Variants in CAGE1 observed in about 807,000 individuals in gnomAD.
CAGE1 encodes the protein cancer antigen 1.
CAGE1 carries 66 observed loss-of-function variants against 94.9 expected under a neutral mutation model. That is an observed-to-expected ratio of 0.70 (90% CI 0.57 to 0.85). The LOEUF is 0.85. Ranked by LOEUF, CAGE1 falls within the 40% of genes least tolerant of loss-of-function variation. The pLI, the probability that CAGE1 is intolerant of heterozygous loss-of-function variation, is 0.00. For missense variants in CAGE1, 865 were observed against 950.4 expected, an observed-to-expected ratio of 0.91 and a Z score of 1.18; for synonymous variants, 319 against 321.0, an observed-to-expected ratio of 0.99 and a Z score of 0.07.
rs1171280732 is a variant in CAGE1, at chr6:7,370,126, GT to G, written c.1747-62del. ...ATGAAGAACCTGAAATATCTTTTAA[GT>G]AAAATGCTGAATAAAATGGCACTCT... On this transcript the variant is annotated intron_variant, in intron 5 of 13. Transcript: ENST00000502583. 14 of 1,329,370 alleles carry G rather than the reference GT, an allele frequency of 1.1e-5. No homozygotes were observed. The Admixed American group carries it at 3.6e-4, about 34-fold the overall frequency. 82.3% of individuals were successfully genotyped at this position (1,329,370 alleles called of 1,614,324 possible). A position where few individuals can be genotyped will look rare whatever the true frequency, so the allele number is the denominator to read the frequency against.
In CAGE1 at chr6:7,339,483, A is replaced by G. The variant is rs1039191407; in HGVS notation, c.2370-5393T>C. On this transcript the variant is annotated intron_variant, in intron 11 of 13. Transcript: ENST00000502583. The surrounding 1 kb of genome is among the most constrained non-coding windows in gnomAD (Gnocchi z 4.7). The stretch of plus-strand genomic sequence containing the variant: ...AACTCCAGAGTAGCCATCTTCAGCC[A>G]GCTCCTGAGTAAGAAACTCATTCAT... The G allele has an allele frequency of 9.0e-6, 8 of 884,468 alleles. No individual in the cohort carries two copies. The highest frequency in any genetic ancestry group is 1.2e-5 in the Non-Finnish European group (6 of 514,510). The allele number at this position is 884,468 out of a possible 1,614,324, so 54.8% of individuals were successfully genotyped here.
chr6:7,347,022 C>T (rs962189142), intron 11 of CAGE1, among the ~76,000 whole-genome samples: 1 of 152,090 alleles, frequency 6.6e-6, no homozygotes, highest in African/African-American at 2.4e-5. Flanking sequence ...TTTTTTCACC[C>T]AAGCCCTGCA....
At position 7,389,736 on chromosome 6, in the gene CAGE1, G is replaced by A; in HGVS notation, c.-558C>T. ...AGCCCTATACAGCGCGCCATCCAGA[G>A]AGCTCCGGACTCCCAGCTCGGCGCA... On this transcript the variant is annotated 5_prime_UTR_variant, in exon 1 of 14. Transcript: ENST00000502583. 2 of 567,164 alleles carry A rather than the reference G, an allele frequency of 3.5e-6. No homozygotes were observed. The highest frequency in any genetic ancestry group is 3.0e-5 in the East Asian group (1 of 33,768). The allele number at this position is 567,164 out of a possible 1,614,324, so 35.1% of individuals were successfully genotyped here. A position where few individuals can be genotyped will look rare whatever the true frequency, so the allele number is the denominator to read the frequency against.
intron 13 of CAGE1, chr6:7,329,390 A>G: frequency 8.8e-6 from 3 of 341,360 alleles, no homozygotes; most frequent in East Asian, 8.7e-5. Flanking sequence ...CTGGAGCCAG[A>G]TCATAGGGGA....
At chr6:7,363,124 G>T (rs7765731) in intron 9 of CAGE1, among the ~76,000 whole-genome samples, 7,789 of 152,178 alleles carry the variant, frequency 0.051, 344 homozygotes, top group African/African-American at 0.12. Flanking sequence ...CAAAAAATTA[G>T]CTGGGTGTGG....
intron 7 of CAGE1, among the ~76,000 whole-genome samples, chr6:7,366,865 T>G (rs1365431645): frequency 1.3e-5 from 2 of 152,156 alleles, no homozygotes; most frequent in African/African-American, 4.8e-5. Context: ...AACATAACGA[T>G]TGTTATTACA....
intron 9 of CAGE1, among the ~76,000 whole-genome samples, chr6:7,357,045 C>A (rs1759981019): frequency 6.6e-6 from 1 of 152,088 alleles, no homozygotes; most frequent in Non-Finnish European, 1.5e-5. Context: ...GATCCGCCCC[C>A]CGTCGGCCTC....
At chr6:7,345,721 A>G (rs1759472186) in intron 11 of CAGE1, among the ~76,000 whole-genome samples, 1 of 152,090 alleles carries the variant, frequency 6.6e-6, no homozygotes, top group African/African-American at 2.4e-5. Context: ...AGGTCAGGAA[A>G]TTGAGACCAT....
intron 11 of CAGE1, among the ~76,000 whole-genome samples, chr6:7,342,765 T>C (rs1455669147): frequency 6.6e-6 from 1 of 152,226 alleles, no homozygotes; most frequent in Non-Finnish European, 1.5e-5. Context: ...TCTTCTAGGA[T>C]TTTTATGGTT....
At position 7,373,978 on chromosome 6, in the gene CAGE1, G is replaced by T. The variant is rs76314363; in HGVS notation, c.841C>A (p.Arg281=). ...AGISWRSEAC[R]ENCEMPDWEQ... ...CAGTCAGGCATCTCACAGTTCTCCC[G>T]ACATGCTTCACTCCTCCAGGAAATG... Residue 281 remains arginine (R), a synonymous_variant, in exon 5 of 14, where the codon CGG becomes AGG. Coordinates refer to ENST00000502583, the MANE Select transcript of CAGE1 (RefSeq NM_001170692.2). 387 of 1,613,956 alleles carry T rather than the reference G, an allele frequency of 2.4e-4. 1 individual carries two copies. The African/African-American group carries it at 4.6e-3, about 19-fold the overall frequency.
intron 1 of CAGE1, 67 bp downstream of exon 1, chr6:7,389,135 C>CA: frequency 2.5e-6 from 1 of 392,970 alleles, no homozygotes; most frequent in South Asian, 1.8e-5. Flanking sequence ...AAAGAGGTGT[C>CA]ACGGGAGTTA....
At position 7,327,391 on chromosome 6, in the gene CAGE1, G is replaced by C. The variant is rs149692407; in HGVS notation, c.2479-492C>G. Among the ~76,000 whole-genome samples, 193 of 152,130 alleles carry C rather than the reference G, an allele frequency of 1.3e-3. 3 individuals are homozygous for C. The highest frequency in any genetic ancestry group is 4.5e-3 in the African/African-American group (186 of 41,494). Reference sequence around the variant, plus strand: ...GCTGGTCTCGAACTCCTGACCTCAAGTGATCCACCTGCCTCAGCTGTGAGC... The same window carrying C: ...GCTGGTCTCGAACTCCTGACCTCAACTGATCCACCTGCCTCAGCTGTGAGC... On this transcript the variant is annotated intron_variant, in intron 13 of 13. Coordinates refer to ENST00000502583, the MANE Select transcript of CAGE1 (RefSeq NM_001170692.2).
At chr6:7,378,322 AG>A (rs1487114808) in intron 4 of CAGE1, among the ~76,000 whole-genome samples, 1 of 152,206 alleles carries the variant, frequency 6.6e-6, no homozygotes, top group African/African-American at 2.4e-5. Context: ...CTAATCCTCA[AG>A]TATGGACTTG....
chr6:7,344,953 G>A (rs1238119038), intron 11 of CAGE1, among the ~76,000 whole-genome samples: 1 of 152,158 alleles, frequency 6.6e-6, no homozygotes, highest in Non-Finnish European at 1.5e-5. Context: ...GCACCAATCA[G>A]CGCCCTGTCA....
Position 7,384,351 on chromosome 6 carries a change from C to T in CAGE1, c.283+1434G>A, listed in dbSNP as rs1175277819. Among the ~76,000 whole-genome samples, 5 of 152,218 alleles carry T rather than the reference C, an allele frequency of 3.3e-5. No homozygotes were observed. In the South Asian group the frequency reaches 8.3e-4, roughly 25 times the overall value. ...CTCGGCAGCGCTTATTTTTCTTACA[C>T]CTGCATGTATTAAATTCCATAATTT... On this transcript the variant is annotated intron_variant, in intron 3 of 13. Coordinates refer to ENST00000502583, the MANE Select transcript of CAGE1 (RefSeq NM_001170692.2).
In CAGE1 at chr6:7,327,538, C is replaced by T. The variant is rs77919230; in HGVS notation, c.2479-639G>A. Among the ~76,000 whole-genome samples the T allele has an allele frequency of 2.9e-3, 445 of 152,304 alleles. 1 individual carries two copies. Among genetic ancestry groups the T allele is most frequent in the Middle Eastern group, 0.01 (3 of 294 alleles). Reference sequence around the variant, plus strand: ...AAGAACAATGTGGATTGAGTTTCATCTTCCTTGGTTTGGTTGGCAATTGAC... The same window carrying T: ...AAGAACAATGTGGATTGAGTTTCATTTTCCTTGGTTTGGTTGGCAATTGAC... On this transcript the variant is annotated intron_variant, in intron 13 of 13. Coordinates refer to ENST00000502583, the MANE Select transcript of CAGE1 (RefSeq NM_001170692.2).
rs369787940 is a variant in CAGE1, at chr6:7,378,637, G to T, written c.667C>A (p.Pro223Thr). 20 of 1,587,412 alleles carry T rather than the reference G, an allele frequency of 1.3e-5. No individual in the cohort carries two copies. In the African/African-American group the frequency reaches 1.5e-4, roughly 12 times the overall value. ...AKESALNPSQPPSFLCKTAVP... is the reference protein window; with the variant it reads ...AKESALNPSQTPSFLCKTAVP... ...CTTTCCTTACATAAGAAGCTTGGAG[G>T]TTGGCTAGGGTTGAGGGCAGATTCC... is the stretch of plus-strand genomic sequence containing the variant. Residue 223 changes from proline (P) to threonine (T), a missense_variant, in exon 4 of 14, where the codon CCT (proline) becomes ACT (threonine). Coordinates refer to ENST00000502583, the MANE Select transcript of CAGE1 (RefSeq NM_001170692.2).
At chr6:7,345,483 G>A (rs1345952842) in intron 11 of CAGE1, among the ~76,000 whole-genome samples, 3 of 152,136 alleles carry the variant, frequency 2.0e-5, no homozygotes, top group African/African-American at 7.2e-5. Flanking sequence ...ACACAAAATG[G>A]CATACTCACA....
chr6:7,353,362 T>G (rs192304642), intron 11 of CAGE1, among the ~76,000 whole-genome samples: 78 of 152,158 alleles, frequency 5.1e-4, no homozygotes, highest in African/African-American at 1.8e-3. Flanking sequence ...CCTGCAAGAA[T>G]GGCCATAATA....
Sources: allele counts gnomAD v4.1 joint callset (sites outside exome capture counted in the v4.1 genomes callset), GRCh38; gene constraint gnomAD v4.1.1; non-coding constraint Gnocchi (gnomAD v3.1); transcripts MANE v1.5; gene names NCBI Gene and HGNC (gene_info 2026-07-23, HGNC 2026-07-21).